Variants in AGBL4 observed in about 807,000 individuals in gnomAD.
AGBL4 encodes AGBL carboxypeptidase 4, also known as cytosolic carboxypeptidase 6.
Under a neutral mutation model 66.4 loss-of-function variants are expected in AGBL4, and 58 were observed. The ratio of observed to expected loss-of-function variants is 0.87; its 90% CI spans 0.71 to 1.09. The LOEUF (loss-of-function observed/expected upper bound fraction) is 1.09, where lower values mean the gene tolerates loss of function less well. Ranked by LOEUF, AGBL4 falls within the 50% of genes least tolerant of loss-of-function variation. The probability of loss-of-function intolerance (pLI) is 0.00; values close to 1 mark genes in which losing one functional copy is unlikely to be tolerated. For missense variants in AGBL4, 579 were observed against 631.0 expected (o/e 0.92, Z 0.88); for synonymous variants, 234 against 222.9 (o/e 1.05, Z -0.44).
intron 6 of AGBL4, among the ~76,000 whole-genome samples, chr1:48,859,921 T>C (rs552660322): frequency 6.6e-6 from 1 of 152,286 alleles, no homozygotes; most frequent in African/African-American, 2.4e-5. Context: ...ATAGGGGAAT[T>C]AAAAATAGAA....
At chr1:50,021,432 T>C (rs778045174) in intron 1 of AGBL4, among the ~76,000 whole-genome samples, 14 of 152,132 alleles carry the variant, frequency 9.2e-5, no homozygotes, top group Non-Finnish European at 1.8e-4. Flanking sequence ...GTCCTAAAGA[T>C]ACCTCAATCT....
At chr1:49,121,973 G>A (rs1019599311) in intron 4 of AGBL4, among the ~76,000 whole-genome samples, 12 of 152,328 alleles carry the variant, frequency 7.9e-5, no homozygotes, top group African/African-American at 1.7e-4. Flanking sequence ...AGACTGCTGC[G>A]CTAGCAGTGA....
At chr1:48,752,594 G>A (rs1474507345) in intron 6 of AGBL4, among the ~76,000 whole-genome samples, 1 of 152,194 alleles carries the variant, frequency 6.6e-6, no homozygotes, top group Non-Finnish European at 1.5e-5. Flanking sequence ...CGTCACATCT[G>A]TGTTCTGCTG....
At chr1:48,773,924 T>G (rs1029792159) in intron 6 of AGBL4, among the ~76,000 whole-genome samples, 1 of 152,222 alleles carries the variant, frequency 6.6e-6, no homozygotes, top group African/African-American at 2.4e-5. Flanking sequence ...TTCCTTGAAC[T>G]GGGATTGTAA....
intron 5 of AGBL4, among the ~76,000 whole-genome samples, chr1:48,898,033 G>A (rs145491373): frequency 0.016 from 2,392 of 151,926 alleles, 59 homozygotes; most frequent in African/African-American, 0.051. Context: ...GGATGGTCTC[G>A]ATCTCTTGAC....
chr1:48,653,542 A>C, intron 7 of AGBL4, 91 bp from the exon 8 acceptor site: 2 of 991,450 alleles, frequency 2.0e-6, no homozygotes, highest in East Asian at 2.6e-5. Flanking sequence ...GAAGAGCTCA[A>C]TAGGTGATTT....
At chr1:48,547,572 T>TATCC (rs1296906343) in intron 11 of AGBL4, among the ~76,000 whole-genome samples, 1 of 152,262 alleles carries the variant, frequency 6.6e-6, no homozygotes, top group East Asian at 1.9e-4. Flanking sequence ...AGACATTAAG[T>TATCC]ATCCAGGTTC....
chr1:49,415,816 T>G (rs1256977054), intron 3 of AGBL4, among the ~76,000 whole-genome samples: 1 of 151,972 alleles, frequency 6.6e-6, no homozygotes, highest in African/African-American at 2.4e-5. Context: ...GAGAAAGAAG[T>G]TAAGTGAAAG....
At chr1:49,820,290 T>A (rs996175436) in intron 2 of AGBL4, among the ~76,000 whole-genome samples, 1 of 152,096 alleles carries the variant, frequency 6.6e-6, no homozygotes, top group African/African-American at 2.4e-5. Context: ...ATAAACTAAT[T>A]TGAAATTTCT....
intron 6 of AGBL4, among the ~76,000 whole-genome samples, chr1:48,720,479 G>A (rs1302983545): frequency 6.6e-6 from 1 of 152,222 alleles, no homozygotes; most frequent in Non-Finnish European, 1.5e-5. Flanking sequence ...TTAGATGCCA[G>A]TTCAGGCTCC....
At chr1:49,379,791 T>C (rs1208270383) in intron 3 of AGBL4, among the ~76,000 whole-genome samples, 2 of 152,142 alleles carry the variant, frequency 1.3e-5, no homozygotes, top group Non-Finnish European at 2.9e-5. Context: ...CAGTATTTTA[T>C]TGAGGATTTT....
rs1000127239 is a variant in AGBL4 at position 49,332,360 on chromosome 1, A to G, written c.283-86496T>C. Among the ~76,000 whole-genome samples the G allele has an allele frequency of 2.6e-5, 4 of 152,224 alleles. No homozygotes were observed. In the South Asian group the frequency reaches 8.3e-4, roughly 32 times the overall value. On this transcript the variant is annotated intron_variant, in intron 3 of 13. Transcript: ENST00000371839. The stretch of plus-strand genomic sequence containing the variant: ...ATTAATAAGGAATTTAAAACTTCCC[A>G]TCAAATAAAACACCAGGCCAGATTA...
At chr1:48,887,802 G>GT (rs1231328239) in intron 5 of AGBL4, among the ~76,000 whole-genome samples, 3 of 152,108 alleles carry the variant, frequency 2.0e-5, no homozygotes, top group Non-Finnish European at 4.4e-5. Context: ...CTACATTTTG[G>GT]CCCTATTTTT....
At chr1:49,214,495 G>T (rs1305546619) in intron 4 of AGBL4, among the ~76,000 whole-genome samples, 1 of 152,072 alleles carries the variant, frequency 6.6e-6, no homozygotes, top group Non-Finnish European at 1.5e-5. Flanking sequence ...ACTGACTGTG[G>T]CAGGTTTATC....
At chr1:49,192,358 GCACCATCTTGGCT>G (rs1405062664) in intron 4 of AGBL4, among the ~76,000 whole-genome samples, 1 of 152,128 alleles carries the variant, frequency 6.6e-6, no homozygotes, top group Non-Finnish European at 1.5e-5. Context: ...GAGTGCAATG[GCACCATCTTGGCT>G]CACTGCCACC....
At chr1:48,989,153 AATG>A (rs1319154975) in intron 5 of AGBL4, among the ~76,000 whole-genome samples, 4 of 152,132 alleles carry the variant, frequency 2.6e-5, no homozygotes, top group African/African-American at 9.7e-5. Flanking sequence ...TTTGGATTTC[AATG>A]ATGTCTAAGG....
intron 3 of AGBL4, among the ~76,000 whole-genome samples, chr1:49,533,712 CA>C (rs1651330105): frequency 6.6e-6 from 1 of 152,106 alleles, no homozygotes; most frequent in African/African-American, 2.4e-5. Context: ...ACACATAATT[CA>C]GATTTCTCTA....
intron 3 of AGBL4, among the ~76,000 whole-genome samples, chr1:49,430,985 C>T (rs1172478157): frequency 7.6e-6 from 1 of 131,402 alleles, no homozygotes; most frequent in Admixed American, 7.4e-5. Flanking sequence ...ATTCTCATGG[C>T]TGCATAGCAT....
chr1:49,994,062 G>C (rs563302968), intron 1 of AGBL4, among the ~76,000 whole-genome samples: 3 of 152,122 alleles, frequency 2.0e-5, no homozygotes, highest in Admixed American at 1.3e-4. Flanking sequence ...GGCAATTCTA[G>C]TCCATTCTGG....
Sources: gnomAD v4.1 joint callset for allele counts (sites outside exome capture counted in the v4.1 genomes callset) on GRCh38, gnomAD v4.1.1 for gene constraint, MANE v1.5 for transcripts, NCBI Gene and HGNC (gene_info 2026-07-23, HGNC 2026-07-21) for gene names.